ZNF638: variants seen among roughly 807,000 people sequenced by gnomAD.
ZNF638 encodes zinc finger protein 638, also known as CTCL tumor antigen se33-1.
A neutral mutation model predicts 195.6 loss-of-function variants in ZNF638; 46 were observed. The observed-to-expected ratio is 0.24, with a 90% CI of 0.19 to 0.30. The LOEUF (loss-of-function observed/expected upper bound fraction) is 0.30. Ranked by LOEUF, ZNF638 falls within the 10% of genes least tolerant of loss-of-function variation. ZNF638 has a pLI of 1.00. For synonymous variants in ZNF638, 845 were observed against 772.0 expected (o/e 1.09, Z -1.57); for missense variants, 2,440 against 2,325.3 (o/e 1.05, Z -1.01).
chr2:71,359,901 C>T (rs1219168439), intron 3 of ZNF638, among the ~76,000 whole-genome samples: 1 of 152,102 alleles, frequency 6.6e-6, no homozygotes, highest in African/African-American at 2.4e-5. Context: ...GATAACAGTG[C>T]ATCAGAATTT....
chr2:71,387,665 A>ATC (rs1215167715), intron 10 of ZNF638, among the ~76,000 whole-genome samples: 15 of 150,540 alleles, frequency 1.0e-4, no homozygotes, highest in South Asian at 8.4e-4. Flanking sequence ...ACTCTCTCAA[A>ATC]AAAAAAAAAG....
intron 8 of ZNF638, chr2:71,379,556 A>G (rs10199030): frequency 0.26 from 39,930 of 152,054 alleles, 6,903 homozygotes; most frequent in African/African-American, 0.49. Flanking sequence ...AAGTATGGTG[A>G]TGCTGGCAAT....
chr2:71,431,774 A>G (rs891072574), intron 26 of ZNF638, among the ~76,000 whole-genome samples: 1 of 150,198 alleles, frequency 6.7e-6, no homozygotes, highest in Non-Finnish European at 1.5e-5. Flanking sequence ...AAAAAAAAAA[A>G]CAAAAACACC....
At chr2:71,395,487 G>A (rs2079874161) in intron 10 of ZNF638, 3 of 603,164 alleles carry the variant, frequency 5.0e-6, no homozygotes, top group Admixed American at 2.8e-5. Context: ...TTACCCTGAC[G>A]CTAAGGGCAA....
chr2:71,399,905 C>A (rs1161067660), intron 13 of ZNF638, among the ~76,000 whole-genome samples: 1 of 152,006 alleles, frequency 6.6e-6, no homozygotes, highest in Admixed American at 6.5e-5. Flanking sequence ...TTCTTTAGAT[C>A]ATCTTTAAGG....
At chr2:71,338,490 C>G (rs896124462) in intron 1 of ZNF638, among the ~76,000 whole-genome samples, 9 of 152,154 alleles carry the variant, frequency 5.9e-5, no homozygotes, top group Non-Finnish European at 8.8e-5. Context: ...CTAGCACCAT[C>G]AAAACATTTA....
intron 1 of ZNF638, among the ~76,000 whole-genome samples, chr2:71,340,459 G>C (rs1013085499): frequency 1.3e-5 from 2 of 152,170 alleles, no homozygotes; most frequent in African/African-American, 4.8e-5. Flanking sequence ...TTTTATAGCT[G>C]AATAAACAAT....
At chr2:71,378,336 A>C (rs375885542) in intron 8 of ZNF638, among the ~76,000 whole-genome samples, 1 of 152,240 alleles carries the variant, frequency 6.6e-6, no homozygotes, top group East Asian at 1.9e-4. Context: ...GTAGAATAGC[A>C]CTAGAACTAA....
chr2:71,342,173 G>A (rs956520987), intron 1 of ZNF638, among the ~76,000 whole-genome samples: 8 of 144,836 alleles, frequency 5.5e-5, no homozygotes, highest in African/African-American at 1.8e-4. Context: ...GTGAGCTGAG[G>A]CTGCGTCACT....
chr2:71,404,311 AT>A (rs1180912303), intron 17 of ZNF638, among the ~76,000 whole-genome samples: 3 of 151,916 alleles, frequency 2.0e-5, no homozygotes, highest in African/African-American at 4.8e-5. Flanking sequence ...GTTATCTTTA[AT>A]TTTTTTTCTC....
chr2:71,397,788 A>G (rs2079925258), intron 11 of ZNF638, among the ~76,000 whole-genome samples: 1 of 152,216 alleles, frequency 6.6e-6, no homozygotes, highest in Non-Finnish European at 1.5e-5. Flanking sequence ...CAACACTTTC[A>G]TGATCACATC....
Position 71,398,604 on chromosome 2 carries a change from A to T in ZNF638, c.2429-97A>T, listed in dbSNP as rs2079943030. 5 of 938,072 alleles carry T rather than the reference A, an allele frequency of 5.3e-6. No homozygotes were observed. The Admixed American group carries it at 9.6e-5, about 18-fold the overall frequency. The allele number at this position is 938,072 out of a possible 1,614,324, so 58.1% of individuals were successfully genotyped here. On this transcript the variant is annotated intron_variant, in intron 11 of 27. Transcript: ENST00000264447. ...GCATTTTATGTTTTGAATAAAACACAGCCTATTATTCTTACATCTTTTTCT... is the reference window on the plus strand; with the variant it reads ...GCATTTTATGTTTTGAATAAAACACTGCCTATTATTCTTACATCTTTTTCT...
chr2:71,399,157 A>AT (rs887335038), intron 12 of ZNF638, among the ~76,000 whole-genome samples: 5 of 151,950 alleles, frequency 3.3e-5, no homozygotes, highest in South Asian at 2.1e-4. Context: ...AGGAGAATTC[A>AT]TTTTTTTTCA....
intron 1 of ZNF638, chr2:71,341,705 T>A (rs2078764723): frequency 6.6e-6 from 1 of 152,222 alleles, no homozygotes; most frequent in Admixed American, 6.5e-5. Flanking sequence ...TCTTCGTTTT[T>A]CCAGGTTATT....
In ZNF638 at chr2:71,336,199, C is replaced by G. The variant is rs528609183; in HGVS notation, c.-203+4324C>G. Among the ~76,000 whole-genome samples the G allele has an allele frequency of 2.6e-3, 390 of 152,046 alleles. 3 individuals are homozygous for G. The highest frequency in any genetic ancestry group is 2.3e-3 in the Non-Finnish European group (157 of 67,990). ...CCAGCCTGACCAACATGGAGAAACC[C>G]CGTCTCTACTAAAAATACAAAATTA... On this transcript the variant is annotated intron_variant, in intron 1 of 27. Transcript: ENST00000264447.
Position 71,423,325 on chromosome 2 carries a change from G to A in ZNF638, c.3811G>A (p.Val1271Ile), listed in dbSNP as rs190508127. Reference protein sequence around the residue: ...AVAEVEKNETVSEILPSTCIV... With the variant: ...AVAEVEKNETISEILPSTCIV... ...AGCTGAAGTAGAAAAAAATGAAACT[G>A]TTTCGGAAATATTGCCATCAACTTG... Residue 1271 changes from valine (V) to isoleucine (I), a missense_variant, in exon 22 of 28, where the codon GTT becomes ATT. Val to Ile is a conservative substitution (Grantham distance 29, BLOSUM62 3). Around this residue, in one of 5 missense-constraint regions of ZNF638, gnomAD observed 1,883 missense variants for 1,739.1 expected, o/e 1.08. Coordinates refer to ENST00000264447, the MANE Select transcript of ZNF638 (RefSeq NM_014497.5). 1.2e-6 allele frequency: 2 copies of A among 1,613,896 alleles called. No individual in the cohort carries two copies. The highest frequency in any genetic ancestry group is 2.2e-5 in the East Asian group (1 of 44,876).
chr2:71,375,005 C>G (rs1293215918), intron 8 of ZNF638: 6 of 151,930 alleles, frequency 3.9e-5, no homozygotes, highest in African/African-American at 1.5e-4. Flanking sequence ...CCATAAAGTT[C>G]TTGAACATTT....
intron 1 of ZNF638, among the ~76,000 whole-genome samples, chr2:71,340,741 T>C (rs1259372577): frequency 6.6e-6 from 1 of 152,196 alleles, no homozygotes; most frequent in African/African-American, 2.4e-5. Context: ...AATAAAGTTA[T>C]AAAGTAGATT....
intron 20 of ZNF638, among the ~76,000 whole-genome samples, chr2:71,409,652 A>T (rs1017225168): frequency 1.3e-5 from 2 of 152,116 alleles, no homozygotes; most frequent in African/African-American, 4.8e-5. Flanking sequence ...TGTATGGTTT[A>T]GGGTTTGTAT....
Sources: allele counts gnomAD v4.1 joint callset (sites outside exome capture counted in the v4.1 genomes callset), GRCh38; gene constraint gnomAD v4.1.1; regional missense constraint gnomAD v4.1.1; transcripts MANE v1.5; gene names NCBI Gene and HGNC (gene_info 2026-07-23, HGNC 2026-07-21).